The following PTPRT variants were observed in gnomAD, a reference collection of about 807,000 sequenced individuals.
PTPRT encodes the protein receptor-type tyrosine-protein phosphatase T.
Under a neutral mutation model 176.8 loss-of-function variants are expected in PTPRT, and 56 were observed. The observed-to-expected ratio is 0.32, with a 90% CI of 0.26 to 0.40. The LOEUF is 0.40. Ranked by LOEUF, PTPRT falls within the 10% of genes least tolerant of loss-of-function variation. The pLI, the probability that PTPRT is intolerant of heterozygous loss-of-function variation, is 1.00. For synonymous variants in PTPRT, 783 were observed against 739.0 expected (o/e 1.06, Z -0.96); for missense variants, 1,540 against 1,908.2 (o/e 0.81, Z 3.60).
At chr20:43,166,775 C>T (rs997559297) in intron 1 of PTPRT, among the ~76,000 whole-genome samples, 6 of 152,268 alleles carry the variant, frequency 3.9e-5, no homozygotes, top group African/African-American at 1.2e-4. Context: ...CATCAGAGTA[C>T]AATGGCTTCA....
chr20:42,091,549 C>T (rs1190328950), intron 27 of PTPRT, among the ~76,000 whole-genome samples: 2 of 152,046 alleles, frequency 1.3e-5, no homozygotes, highest in Admixed American at 1.3e-4. Context: ...TTATTAAGGC[C>T]CCTGCGACCC....
At chr20:42,726,639 T>C (rs1377518640) in intron 6 of PTPRT, among the ~76,000 whole-genome samples, 1 of 152,190 alleles carries the variant, frequency 6.6e-6, no homozygotes, top group Non-Finnish European at 1.5e-5. Flanking sequence ...ACTTTACCAT[T>C]TGCAAAATGG....
intron 12 of PTPRT, among the ~76,000 whole-genome samples, chr20:42,305,788 T>A (rs1244893698): frequency 6.6e-6 from 1 of 152,214 alleles, no homozygotes; most frequent in African/African-American, 2.4e-5. Context: ...CAGGCAAGTA[T>A]TCTGTCTATG....
intron 7 of PTPRT, among the ~76,000 whole-genome samples, chr20:42,520,639 T>C (rs959898094): frequency 6.6e-6 from 1 of 152,114 alleles, no homozygotes; most frequent in African/African-American, 2.4e-5. Flanking sequence ...CTTCATCTTG[T>C]ATTTTCTCTG....
intron 7 of PTPRT, among the ~76,000 whole-genome samples, chr20:42,556,559 T>C (rs1882826629): frequency 4.2e-3 from 1 of 236 alleles, no homozygotes; most frequent in Non-Finnish European, 8.9e-3. Context: ...TATATATATA[T>C]ATATCCCCTA....
At chr20:42,757,553 C>T (rs2076853313) in intron 5 of PTPRT, among the ~76,000 whole-genome samples, 1 of 152,258 alleles carries the variant, frequency 6.6e-6, no homozygotes, top group Admixed American at 6.5e-5. Flanking sequence ...GTTCAGCTCA[C>T]AGCCATCTCT....
At chr20:43,114,811 T>C (rs1422253875) in intron 1 of PTPRT, among the ~76,000 whole-genome samples, 1 of 152,274 alleles carries the variant, frequency 6.6e-6, no homozygotes, top group Admixed American at 6.5e-5. Flanking sequence ...TCACTAGGTT[T>C]TTAAAAAATT....
chr20:42,924,517 T>G (rs531651145), intron 1 of PTPRT, among the ~76,000 whole-genome samples: 1 of 152,290 alleles, frequency 6.6e-6, no homozygotes, highest in South Asian at 2.1e-4. Flanking sequence ...GAGCCCACAC[T>G]TTTCCTAAAC....
intron 17 of PTPRT, among the ~76,000 whole-genome samples, chr20:42,152,390 C>T (rs989515138): frequency 6.6e-6 from 1 of 152,166 alleles, no homozygotes; most frequent in African/African-American, 2.4e-5. Context: ...ACTAAATAGA[C>T]AGTAATTTAT....
chr20:42,749,779 G>A (rs1160055595), intron 6 of PTPRT, among the ~76,000 whole-genome samples: 3 of 152,182 alleles, frequency 2.0e-5, no homozygotes, highest in South Asian at 2.1e-4. Context: ...TTAAGCAAAT[G>A]AATACAGGAA....
chr20:43,079,732 T>C (rs1173852761), intron 1 of PTPRT, among the ~76,000 whole-genome samples: 1 of 152,178 alleles, frequency 6.6e-6, no homozygotes, highest in Non-Finnish European at 1.5e-5. Context: ...TCCAACAAAT[T>C]TGTTGAACCC....
intron 1 of PTPRT, among the ~76,000 whole-genome samples, chr20:43,184,957 AC>A (rs2015354559): frequency 6.6e-6 from 1 of 152,108 alleles, no homozygotes; most frequent in Non-Finnish European, 1.5e-5. Context: ...AAATGCTGAA[AC>A]CCATGATCCT....
At chr20:42,145,151 C>T (rs987248992) in intron 17 of PTPRT, among the ~76,000 whole-genome samples, 1 of 152,158 alleles carries the variant, frequency 6.6e-6, no homozygotes, top group African/African-American at 2.4e-5. Flanking sequence ...GAAACAGTCA[C>T]ATATAAAAAT....
At chr20:42,395,084 C>T (rs536913360) in intron 9 of PTPRT, among the ~76,000 whole-genome samples, 6 of 152,172 alleles carry the variant, frequency 3.9e-5, no homozygotes, top group Non-Finnish European at 8.8e-5. Flanking sequence ...TGTCTGCTAA[C>T]CTCAAGTGCT....
At chr20:42,327,501 G>A (rs2057902126) in intron 11 of PTPRT, among the ~76,000 whole-genome samples, 1 of 152,012 alleles carries the variant, frequency 6.6e-6, no homozygotes. Flanking sequence ...CTATGTAACA[G>A]ACTGACCTTT....
intron 27 of PTPRT, 54 bp downstream of exon 27, chr20:42,098,367 G>GT: frequency 6.2e-7 from 1 of 1,605,494 alleles, no homozygotes; most frequent in African/African-American, 1.3e-5. Context: ...CTCCCTCCAG[G>GT]TTTAGAGCAT....
At position 42,782,809 on chromosome 20, in the gene PTPRT, A is replaced by G. The variant is rs1308629075; in HGVS notation, c.487-2510T>C. On this transcript the variant is annotated intron_variant, in intron 3 of 30. Coordinates refer to ENST00000373187, the MANE Select transcript of PTPRT (RefSeq NM_007050.6). ...AACCTTGAAGTAGAATTTTAACTGA[A>G]AAGAACAATGAAAAAATTAGGTGGA... Among the ~76,000 whole-genome samples, 3 of 152,230 alleles carry G rather than the reference A, an allele frequency of 2.0e-5. No homozygotes were observed. The East Asian group carries it at 5.8e-4, about 29-fold the overall frequency.
At chr20:43,008,780 C>T (rs1399823923) in intron 1 of PTPRT, among the ~76,000 whole-genome samples, 1 of 152,136 alleles carries the variant, frequency 6.6e-6, no homozygotes, top group African/African-American at 2.4e-5. Context: ...AACCCAAACT[C>T]GAATTAAGAT....
intron 1 of PTPRT, among the ~76,000 whole-genome samples, chr20:43,103,361 G>T (rs551792934): frequency 6.6e-6 from 1 of 152,104 alleles, no homozygotes; most frequent in Admixed American, 6.5e-5. Flanking sequence ...AGTACAATAG[G>T]AACCTACACT....
Sources: allele counts gnomAD v4.1 joint callset (sites outside exome capture counted in the v4.1 genomes callset), GRCh38; gene constraint gnomAD v4.1.1; transcripts MANE v1.5; gene names NCBI Gene and HGNC (gene_info 2026-07-23, HGNC 2026-07-21).